Variants in CTBP2 observed in about 807,000 individuals in gnomAD.
The protein encoded by CTBP2 is C-terminal binding protein 2.
CTBP2 carries 30 observed loss-of-function variants against 80.3 expected under a neutral mutation model. That is an observed-to-expected ratio of 0.37 (90% CI 0.28 to 0.51). CTBP2 has a LOEUF of 0.51. CTBP2 is among the 20% of genes least tolerant of loss of function. CTBP2 has a pLI of 0.93. For synonymous variants in CTBP2, 594 were observed against 587.4 expected (o/e 1.01, Z -0.16); for missense variants, 1,212 against 1,375.3 (o/e 0.88, Z 1.88).
At chr10:124,997,825 C>T (rs1436910027) in intron 4 of CTBP2, 139 bp downstream of exon 6, 10 of 828,382 alleles carry the variant, frequency 1.2e-5, no homozygotes, top group South Asian at 3.5e-5. Flanking sequence ...TCTCCTACCC[C>T]GTGCAACACG....
In CTBP2 at chr10:124,993,883, G is replaced by A. The variant is rs1437040683; in HGVS notation, c.2503C>T (p.Leu835Phe). The A allele has an allele frequency of 6.2e-7, 1 of 1,613,838 alleles. No homozygotes were observed. The highest frequency in any genetic ancestry group is 8.5e-7 in the Non-Finnish European group (1 of 1,180,016). Residue 835 changes from leucine (L) to phenylalanine (F), a missense_variant, in exon 6 of 9, where the codon CTC becomes TTC. Around this residue, in one of 3 missense-constraint regions of CTBP2, gnomAD observed 335 missense variants for 504.7 expected, o/e 0.66. Transcript: ENST00000309035. ...AAGGGCTCTGACTCATGCACGTCGA[G>A]GGCTGCCCCTCGTATCCTGCCCTCC...
Position 124,998,168 on chromosome 10 carries a change from T to C in CTBP2, c.1981A>G (p.Ile661Val), listed in dbSNP as rs1392596352. ...GCAGACGGGATGTTGCACACGGCAA[T>C]TCCTGAAAGGGATGAGGCCAAGGCC... Residue 661 changes from isoleucine (I) to valine (V), a missense_variant and splice_region_variant, in exon 4 of 9, where the codon ATT becomes GTT. Ile to Val is a conservative substitution (Grantham distance 29). Around this residue, in one of 3 missense-constraint regions of CTBP2, gnomAD observed 335 missense variants for 504.7 expected, o/e 0.66. Coordinates refer to ENST00000309035, the MANE Select transcript of CTBP2 (RefSeq NM_022802.3). The C allele has an allele frequency of 6.2e-7, 1 of 1,603,576 alleles. No individual in the cohort carries two copies. Among genetic ancestry groups the C allele is most frequent in the Non-Finnish European group, 8.5e-7 (1 of 1,176,024 alleles).
intron 2 of CTBP2, among the ~76,000 whole-genome samples, chr10:125,077,828 G>A (rs1354416165): frequency 6.6e-6 from 1 of 152,096 alleles, no homozygotes; most frequent in African/African-American, 2.4e-5. Flanking sequence ...TCCAAACGGG[G>A]CCACCATTTG....
upstream of CTBP2, among the ~76,000 whole-genome samples, chr10:125,031,511 A>AAAAAAAAAAAAAAAAAAC (rs1958203271): frequency 6.7e-6 from 1 of 149,618 alleles, no homozygotes; most frequent in African/African-American, 2.5e-5. Context: ...AAAAAAAAAA[A>AAAAAAAAAAAAAAAAAAC]AAGTCTTTCC....
At chr10:125,011,400 G>C (rs1046359734) in intron 1 of CTBP2, among the ~76,000 whole-genome samples, 1 of 152,218 alleles carries the variant, frequency 6.6e-6, no homozygotes, top group African/African-American at 2.4e-5. Context: ...CAGAGCTGGC[G>C]AGGCAGGAGG....
intron 2 of CTBP2, among the ~76,000 whole-genome samples, chr10:125,051,606 C>A (rs570847070): frequency 6.6e-6 from 1 of 151,388 alleles, no homozygotes; most frequent in East Asian, 1.9e-4. Flanking sequence ...CGCCACTGCA[C>A]ACTAGCCTGG....
At chr10:125,116,374 T>A (rs1299503442) in intron 1 of CTBP2, among the ~76,000 whole-genome samples, 5 of 152,122 alleles carry the variant, frequency 3.3e-5, no homozygotes, top group Non-Finnish European at 7.4e-5. Flanking sequence ...TCGGCACCCA[T>A]GCTGACGGCC....
intron 1 of CTBP2, among the ~76,000 whole-genome samples, chr10:125,004,660 T>C (rs938860621): frequency 6.6e-6 from 1 of 152,126 alleles, no homozygotes; most frequent in South Asian, 2.1e-4. Flanking sequence ...TTGGGGCTCA[T>C]CAACTTTTCA....
intron 2 of CTBP2, among the ~76,000 whole-genome samples, chr10:125,107,299 T>C (rs1851610363): frequency 6.6e-6 from 1 of 152,172 alleles, no homozygotes; most frequent in Admixed American, 6.5e-5. Context: ...ATGTTGGCAG[T>C]CTTGCTTCTG....
chr10:125,102,255 C>G (rs1181907591), intron 2 of CTBP2, among the ~76,000 whole-genome samples: 2 of 152,222 alleles, frequency 1.3e-5, no homozygotes, highest in Non-Finnish European at 2.9e-5. Flanking sequence ...CATGAGGACT[C>G]TGCCCTCCTG....
chr10:125,151,564 T>TA (rs1023236026), intron 1 of CTBP2, among the ~76,000 whole-genome samples: 61 of 152,328 alleles, frequency 4.0e-4, no homozygotes, highest in African/African-American at 1.4e-3. Flanking sequence ...TGTTTACCGT[T>TA]TGCTTGCAAC....
chr10:125,140,167 T>C (rs1297709154), intron 1 of CTBP2, among the ~76,000 whole-genome samples: 1 of 151,974 alleles, frequency 6.6e-6, no homozygotes, highest in African/African-American at 2.4e-5. Context: ...ACTCGCTGCA[T>C]GGCAGTTTGT....
At chr10:125,067,589 C>T (rs1456227632) in intron 2 of CTBP2, among the ~76,000 whole-genome samples, 1 of 152,200 alleles carries the variant, frequency 6.6e-6, no homozygotes, top group East Asian at 1.9e-4. Context: ...TGCCATTTAT[C>T]AAACTTCTTA....
At chr10:125,142,484 G>A (rs139053439) in intron 1 of CTBP2, among the ~76,000 whole-genome samples, 5 of 152,290 alleles carry the variant, frequency 3.3e-5, no homozygotes, top group Admixed American at 6.5e-5. Flanking sequence ...GAGTCAGGGC[G>A]GGGAGGCAGG....
Position 125,024,381 on chromosome 10 carries a change from G to A in CTBP2, c.1678+1701C>T, listed in dbSNP as rs113597942. On this transcript the variant is annotated intron_variant, in intron 1 of 8. Transcript: ENST00000309035. ...TTCCCTGGCACTGGCTCGCTGCCAC[G>A]CAAATTAAGTAAAAATCAATATCCT... 2.2e-3 allele frequency among the ~76,000 whole-genome samples: 333 copies of A among 152,260 alleles called. 2 individuals are homozygous for A. The highest frequency in any genetic ancestry group is 7.1e-3 in the African/African-American group (293 of 41,552).
chr10:125,058,129 G>A (rs75078120), intron 2 of CTBP2, among the ~76,000 whole-genome samples: 1,813 of 152,070 alleles, frequency 0.012, 27 homozygotes, highest in African/African-American at 0.041. Flanking sequence ...GCCCTGACGG[G>A]GAGAAACTCT....
At chr10:125,017,420 G>A (rs1263489011) in intron 1 of CTBP2, among the ~76,000 whole-genome samples, 1 of 152,142 alleles carries the variant, frequency 6.6e-6, no homozygotes, top group African/African-American at 2.4e-5. Context: ...TCTTTCTTTG[G>A]TTGCTAGGAA....
At chr10:125,127,493 A>G (rs1855474385) in intron 1 of CTBP2, among the ~76,000 whole-genome samples, 1 of 152,216 alleles carries the variant, frequency 6.6e-6, no homozygotes, top group African/African-American at 2.4e-5. Flanking sequence ...ATTTTTTGGG[A>G]GAACAGACCT....
At chr10:125,157,327 G>C (rs1182221899) in intron 1 of CTBP2, among the ~76,000 whole-genome samples, 2 of 149,726 alleles carry the variant, frequency 1.3e-5, no homozygotes, top group Admixed American at 1.3e-4. Flanking sequence ...TAACTCACAG[G>C]GTTCTGCATT....
Sources: gnomAD v4.1 joint callset for allele counts (sites outside exome capture counted in the v4.1 genomes callset) on GRCh38, gnomAD v4.1.1 for gene constraint, gnomAD v4.1.1 regional missense constraint, MANE v1.5 for transcripts, NCBI Gene and HGNC (gene_info 2026-07-23, HGNC 2026-07-21) for gene names.